The following TMEM94 variants were observed in gnomAD, a reference collection of about 807,000 sequenced individuals.
The protein encoded by TMEM94 is ER Mg2+ ATPase.
A neutral mutation model predicts 158.6 loss-of-function variants in TMEM94; 81 were observed. The ratio of observed to expected loss-of-function variants is 0.51; its 90% CI spans 0.43 to 0.61. The LOEUF (loss-of-function observed/expected upper bound fraction) is 0.61, where lower values mean the gene tolerates loss of function less well. Ranked by LOEUF, TMEM94 falls within the 20% of genes least tolerant of loss-of-function variation. The pLI is 0.00. For missense variants in TMEM94, 1,435 were observed against 1,762.0 expected (o/e 0.81, Z 3.32); for synonymous variants, 751 against 730.7 (o/e 1.03, Z -0.45).
chr17:75,465,679 A>ATATATATATATATATATATT (rs1247855961), intron 1 of TMEM94, among the ~76,000 whole-genome samples: 2 of 124,820 alleles, frequency 1.6e-5, no homozygotes, highest in African/African-American at 7.0e-5. Flanking sequence ...ATATATATAT[A>ATATATATATATATATATATT]TTTTTTTTTA....
At position 75,485,994 on chromosome 17, in the gene TMEM94, G is replaced by A. The variant is rs759987717; in HGVS notation, c.268G>A (p.Gly90Arg). 2.0e-5 allele frequency: 32 copies of A among 1,605,080 alleles called. No homozygotes were observed. The highest frequency in any genetic ancestry group is 2.6e-5 in the Non-Finnish European group (31 of 1,177,298). The change falls in exon 4 of 32, where the codon GGG (glycine) becomes AGG (arginine). Residue 90 changes from glycine to arginine, a missense_variant. By Grantham distance (125) the Gly-to-Arg change is moderately radical. This residue lies in a region of TMEM94 where 1,051 missense variants were observed against 1,254.4 expected (regional missense o/e 0.84). Coordinates refer to ENST00000314256, the MANE Select transcript of TMEM94 (RefSeq NM_014738.6). This position sits in a 1 kb window ranked among gnomAD's most constrained non-coding sequence, Gnocchi z 5.5. ...GGGCTGCTGCGGGGGACAGCCAGCCGGGAGGTGTGCGCCCAGGGGCTGCTC... is the reference window on the plus strand; with the variant it reads ...GGGCTGCTGCGGGGGACAGCCAGCCAGGAGGTGTGCGCCCAGGGGCTGCTC... ...LLGCCGGQPA[G>R]SRGVGLVNAS...
At position 75,492,088 on chromosome 17, in the gene TMEM94, C is replaced by A; in HGVS notation, c.1596+188C>A. On this transcript the variant is annotated intron_variant, in intron 14 of 31. Coordinates refer to ENST00000314256, the MANE Select transcript of TMEM94 (RefSeq NM_014738.6). The surrounding 1 kb of genome is among the most constrained non-coding windows in gnomAD (Gnocchi z 4.4). ...TGCTGCGAAGTAGGTGGAGCCTCCC[C>A]CTACCCTTCCATTCTTGTAATCGCA... 1 of 773,020 alleles carries A rather than the reference C, an allele frequency of 1.3e-6. No individual in the cohort carries two copies. Among genetic ancestry groups the A allele is most frequent in the Non-Finnish European group, 2.0e-6 (1 of 490,066 alleles). 47.9% of individuals were successfully genotyped at this position (773,020 alleles called of 1,614,324 possible).
Position 75,467,448 on chromosome 17 carries a change from A to G in TMEM94, c.-106-4352A>G, listed in dbSNP as rs576342807. On this transcript the variant is annotated intron_variant, in intron 1 of 31. Coordinates refer to ENST00000314256, the MANE Select transcript of TMEM94 (RefSeq NM_014738.6). Reference sequence around the variant, plus strand: ...GTCCCTAATATTTTCTCCATATACAATTGATCTTGTCTTCTGCAAATAAGA... The same window carrying G: ...GTCCCTAATATTTTCTCCATATACAGTTGATCTTGTCTTCTGCAAATAAGA... Among the ~76,000 whole-genome samples, 7 of 151,032 alleles carry G rather than the reference A, an allele frequency of 4.6e-5. No individual in the cohort carries two copies. The South Asian group carries it at 1.5e-3, about 32-fold the overall frequency.
rs1460254360 is a variant in TMEM94, at chr17:75,495,160, A to C, written c.2729-124A>C. The C allele has an allele frequency of 9.7e-6, 14 of 1,439,242 alleles. No individual in the cohort carries two copies. The highest frequency in any genetic ancestry group is 2.2e-5 in the Admixed American group (1 of 45,760). The allele number at this position is 1,439,242 out of a possible 1,614,324, so 89.2% of individuals were successfully genotyped here. A position where few individuals can be genotyped will look rare whatever the true frequency, so the allele number is the denominator to read the frequency against. On this transcript the variant is annotated intron_variant, in intron 20 of 31. Transcript: ENST00000314256. This position sits in a 1 kb window ranked among gnomAD's most constrained non-coding sequence, Gnocchi z 5.6. ...TACATTCCCTTGGGAAATGGCTCTG[A>C]TGTCCCTGCGGGAAACAGTAGTCAG...
Position 75,491,551 on chromosome 17 carries a change from C to T in TMEM94, c.1386+96C>T, listed in dbSNP as rs369885242. ...CCAGGGAGGGTGAGGTTTCGGAGGG[C>T]GAAGGAGGGTTTGGGCACCATTAGG... On this transcript the variant is annotated intron_variant, in intron 13 of 31. Coordinates refer to ENST00000314256, the MANE Select transcript of TMEM94 (RefSeq NM_014738.6). The surrounding 1 kb of genome is among the most constrained non-coding windows in gnomAD (Gnocchi z 5.1). The T allele has an allele frequency of 5.2e-4, 821 of 1,586,262 alleles. 3 individuals carry two copies. In the African/African-American group the frequency reaches 9.6e-3, roughly 19 times the overall value.
intron 5 of TMEM94, among the ~76,000 whole-genome samples, chr17:75,486,867 G>C (rs1186602659): frequency 2.0e-5 from 3 of 152,352 alleles, no homozygotes; most frequent in South Asian, 4.1e-4. Context: ...AGCTCCAAAA[G>C]GGAGGGGAGT....
rs368308720 is a variant in TMEM94 at position 75,492,675 on chromosome 17, G to A, written c.1798G>A (p.Glu600Lys). The change falls in exon 15 of 32, where the codon GAG (glutamate) becomes AAG (lysine). Residue 600 changes from glutamate to lysine, a missense_variant. Glu to Lys is a moderately conservative substitution (Grantham distance 56). Coordinates refer to ENST00000314256, the MANE Select transcript of TMEM94 (RefSeq NM_014738.6). The surrounding 1 kb of genome is among the most constrained non-coding windows in gnomAD (Gnocchi z 4.4). Reference protein sequence around the residue: ...LLNLCDASVTERLCRFSDHLC... With the variant: ...LLNLCDASVTKRLCRFSDHLC... ...GAACCTGTGTGATGCCAGCGTCACC[G>A]AGCGCCTGTGCCGATTCTCCGACCA... 12 of 1,613,626 alleles carry A rather than the reference G, an allele frequency of 7.4e-6. No individual in the cohort carries two copies. The African/African-American group carries it at 9.3e-5, about 13-fold the overall frequency.
At chr17:75,457,095 A>G (rs1219831869) in intron 1 of TMEM94, among the ~76,000 whole-genome samples, 1 of 152,114 alleles carries the variant, frequency 6.6e-6, no homozygotes. Flanking sequence ...CGACGCCCTG[A>G]GTATTTATTT....
At chr17:75,474,269 G>GC (rs1253679589) in intron 2 of TMEM94, among the ~76,000 whole-genome samples, 1 of 152,174 alleles carries the variant, frequency 6.6e-6, no homozygotes, top group Non-Finnish European at 1.5e-5. Context: ...ACTTTGGGAG[G>GC]CCGAGGCAGG....
intron 26 of TMEM94, 151 bp downstream of exon 26, chr17:75,497,349 T>A: frequency 1.3e-5 from 5 of 386,634 alleles, no homozygotes; most frequent in East Asian, 4.3e-5. Context: ...TTTGTCTTTT[T>A]TTTTTTTTTT....
chr17:75,473,985 C>T (rs988562042), intron 2 of TMEM94, among the ~76,000 whole-genome samples: 3 of 151,938 alleles, frequency 2.0e-5, no homozygotes, highest in African/African-American at 7.3e-5. Flanking sequence ...CATGGTGGCG[C>T]GTGCCTGTAA....
Position 75,498,025 on chromosome 17 carries a change from A to T in TMEM94, c.3490-150A>T. On this transcript the variant is annotated intron_variant, in intron 27 of 31. Coordinates refer to ENST00000314256, the MANE Select transcript of TMEM94 (RefSeq NM_014738.6). This position sits in a 1 kb window ranked among gnomAD's most constrained non-coding sequence, Gnocchi z 6.7. ...CCCAGATCAAAGAGGAGGTAGTGGC[A>T]CAGAGCTGGGAAAGACCCTTGCTGG... The T allele has an allele frequency of 8.3e-7, 1 of 1,197,778 alleles. No homozygotes were observed. The allele number at this position is 1,197,778 out of a possible 1,614,324, so 74.2% of individuals were successfully genotyped here.
rs1213077622 is a variant in TMEM94, at chr17:75,489,707, C to T, written c.954+45C>T. 3 of 1,500,392 alleles carry T rather than the reference C, an allele frequency of 2.0e-6. No individual in the cohort carries two copies. In the African/African-American group the frequency reaches 4.1e-5, roughly 21 times the overall value. 92.9% of individuals were successfully genotyped at this position (1,500,392 alleles called of 1,614,324 possible). A position where few individuals can be genotyped will look rare whatever the true frequency, so the allele number is the denominator to read the frequency against. On this transcript the variant is annotated intron_variant, in intron 9 of 31. Coordinates refer to ENST00000314256, the MANE Select transcript of TMEM94 (RefSeq NM_014738.6). This position sits in a 1 kb window ranked among gnomAD's most constrained non-coding sequence, Gnocchi z 5.0. ...CTCTGTCATGCTTCCCTCCGACCCGCAGGGCTGGCTCTTCTCCTAGTACCC... is the reference window on the plus strand; with the variant it reads ...CTCTGTCATGCTTCCCTCCGACCCGTAGGGCTGGCTCTTCTCCTAGTACCC...
chr17:75,473,300 C>G (rs571659012), intron 2 of TMEM94, among the ~76,000 whole-genome samples: 16 of 152,190 alleles, frequency 1.1e-4, no homozygotes, highest in Non-Finnish European at 1.5e-4. Flanking sequence ...CAGCAGATAT[C>G]CACCCTAGCA....
intron 1 of TMEM94, among the ~76,000 whole-genome samples, chr17:75,468,552 C>T (rs146962861): frequency 2.0e-3 from 311 of 152,318 alleles, no homozygotes; most frequent in African/African-American, 7.0e-3. Context: ...CCCTCAGGAT[C>T]CCATTTCAGT....
rs946598196 is a variant in TMEM94, at chr17:75,461,020, G to A, written c.-107+4269G>A. Among the ~76,000 whole-genome samples the A allele has an allele frequency of 4.1e-5, 6 of 147,080 alleles. No homozygotes were observed. The East Asian group carries it at 9.9e-4, about 24-fold the overall frequency. On this transcript the variant is annotated intron_variant, in intron 1 of 31. Transcript: ENST00000314256. ...CCCGGCAACCATCTTTCTACTTTCT[G>A]TCTCTGTGATTTTGACTATTCTAGA...
At chr17:75,497,965 C>A in intron 27 of TMEM94, 103 bp downstream of exon 27, 1 of 1,218,390 alleles carries the variant, frequency 8.2e-7, no homozygotes, top group Non-Finnish European at 1.2e-6. Flanking sequence ...ATGGGGGATT[C>A]CAGCAGAACT....
chr17:75,469,624 C>T (rs1049691272), intron 1 of TMEM94, among the ~76,000 whole-genome samples: 1 of 148,718 alleles, frequency 6.7e-6, no homozygotes, highest in African/African-American at 2.5e-5. Context: ...GGATTGCAGG[C>T]GTGAGCCACT....
In TMEM94 at chr17:75,472,357, G is replaced by A. The variant is rs201162318; in HGVS notation, c.24+428G>A. 2.0e-5 allele frequency among the ~76,000 whole-genome samples: 3 copies of A among 152,202 alleles called. No homozygotes were observed. The East Asian group carries it at 5.8e-4, about 29-fold the overall frequency. Reference sequence around the variant, plus strand: ...AACACAGCTGCCTAATCAGCCGGTGGTGAGCAGCCAGGTGGCCTGGGCCAG... The same window carrying A: ...AACACAGCTGCCTAATCAGCCGGTGATGAGCAGCCAGGTGGCCTGGGCCAG... On this transcript the variant is annotated intron_variant, in intron 2 of 31. Transcript: ENST00000314256.
Sources: gnomAD v4.1 joint callset for allele counts (sites outside exome capture counted in the v4.1 genomes callset) on GRCh38, gnomAD v4.1.1 for gene constraint, gnomAD v4.1.1 regional missense constraint, Gnocchi (gnomAD v3.1) non-coding constraint, MANE v1.5 for transcripts, NCBI Gene and HGNC (gene_info 2026-07-23, HGNC 2026-07-21) for gene names.